Variants in SLC17A1 observed in about 807,000 individuals in gnomAD.
SLC17A1 encodes the protein sodium-dependent phosphate transport protein 1.
A neutral mutation model predicts 53.5 loss-of-function variants in SLC17A1; 51 were observed. The observed-to-expected ratio is 0.95, with a 90% CI of 0.76 to 1.20. The LOEUF (loss-of-function observed/expected upper bound fraction) is 1.20, where lower values mean the gene tolerates loss of function less well. Ranked by LOEUF, SLC17A1 falls within the 50% of genes most tolerant of loss-of-function variation. The probability of loss-of-function intolerance (pLI) is 0.00; values close to 1 mark genes in which losing one functional copy is unlikely to be tolerated. For synonymous variants in SLC17A1, 179 were observed against 198.8 expected (o/e 0.90, Z 0.84); for missense variants, 538 against 568.2 (o/e 0.95, Z 0.54).
intron 6 of SLC17A1, among the ~76,000 whole-genome samples, chr6:25,813,759 C>T (rs1036289259): frequency 6.6e-6 from 1 of 152,204 alleles, no homozygotes; most frequent in African/African-American, 2.4e-5. Context: ...GTGTTCCCCT[C>T]AGTGTGTGTT....
At chr6:25,777,967 A>G, downstream of SLC17A1, 2 of 1,613,182 alleles carry the variant, frequency 1.2e-6, no homozygotes, top group Non-Finnish European at 1.7e-6. Context: ...GTCTTTGCAC[A>G]CATAGCTGGA....
chr6:25,819,512 T>A lies in SLC17A1; in HGVS notation c.528A>T (p.Ser176=). The change falls in exon 5 of 13, where the codon TCA becomes TCT. Residue 176 remains serine, a splice_region_variant and synonymous_variant. Transcript: ENST00000244527. ...ACATTCTAGGCTTTAATTCTTTACCTGATGTACTCATAGAAGTAAGTCGGC... is the reference window on the plus strand; with the variant it reads ...ACATTCTAGGCTTTAATTCTTTACCAGATGTACTCATAGAAGTAAGTCGGC... ...ERGRLTSMST[S]GFLLGPFIVL... 6.2e-7 allele frequency: 1 copy of A among 1,609,058 alleles called. No individual in the cohort carries two copies. The highest frequency in any genetic ancestry group is 8.5e-7 in the Non-Finnish European group (1 of 1,175,378).
At chr6:25,744,516 C>G in the SLC17A1 span, among the ~76,000 whole-genome samples, 4 of 152,040 alleles carry the variant, frequency 2.6e-5, no homozygotes, top group Non-Finnish European at 5.9e-5. Context: ...TTGTTAAACA[C>G]CACCATTATT....
chr6:25,727,535 G>C, the SLC17A1 span, among the ~76,000 whole-genome samples: 1 of 151,316 alleles, frequency 6.6e-6, no homozygotes, highest in Non-Finnish European at 1.5e-5. Flanking sequence ...GGGACTACAG[G>C]CTCCCACCAC....
In SLC17A1 at chr6:25,784,951, T is replaced by C. The variant is rs572655467; in HGVS notation, c.*3-1733A>G. On this transcript the variant is annotated intron_variant, in intron 12 of 12. Coordinates refer to ENST00000244527, the MANE Select transcript of SLC17A1 (RefSeq NM_005074.5). ...GGGAAATAAATAAAAGGAAACTAGA[T>C]TGGAAAAACAGAAGTAAAACTATAT... 1.4e-4 allele frequency among the ~76,000 whole-genome samples: 22 copies of C among 152,210 alleles called. No individual in the cohort carries two copies. The East Asian group carries it at 3.7e-3, about 25-fold the overall frequency.
downstream of SLC17A1, among the ~76,000 whole-genome samples, chr6:25,781,659 T>C (rs143795571): frequency 5.6e-4 from 85 of 152,174 alleles, no homozygotes; most frequent in African/African-American, 2.0e-3. Context: ...TGTAGGCCTG[T>C]ACAGAAAGCA....
the SLC17A1 span, chr6:25,754,853 AG>A: frequency 5.3e-5 from 8 of 152,202 alleles, no homozygotes; most frequent in East Asian, 1.3e-3. Flanking sequence ...TGTTTCTGTT[AG>A]AGAGCAGCTT....
chr6:25,727,367 G>C, the SLC17A1 span: 1 of 1,337,550 alleles, frequency 7.5e-7, no homozygotes. Context: ...ACAGCTGTGG[G>C]CTTCGTTTTT....
intron 6 of SLC17A1, among the ~76,000 whole-genome samples, chr6:25,813,558 C>T (rs1764235467): frequency 6.6e-6 from 1 of 152,108 alleles, no homozygotes. Context: ...GACAATTGCC[C>T]AGTTGTTTTG....
chr6:25,739,120 A>C, the SLC17A1 span, among the ~76,000 whole-genome samples: 2 of 83,238 alleles, frequency 2.4e-5, no homozygotes, highest in South Asian at 8.7e-4. Context: ...TAGCTTAAAC[A>C]AACAAACAAA....
intron 12 of SLC17A1, among the ~76,000 whole-genome samples, chr6:25,796,900 T>C (rs1488575009): frequency 2.6e-5 from 4 of 152,154 alleles, no homozygotes; most frequent in Non-Finnish European, 5.9e-5. Context: ...ATCGCACAGA[T>C]GAGATGCCAA....
intron 11 of SLC17A1, among the ~76,000 whole-genome samples, chr6:25,799,276 AAG>A (rs1316663436): frequency 1.3e-5 from 2 of 152,174 alleles, no homozygotes; most frequent in African/African-American, 4.8e-5. Flanking sequence ...TATATAGATA[AAG>A]AGTGTCTTCA....
At chr6:25,822,371 G>C (rs1022924031) in intron 3 of SLC17A1, among the ~76,000 whole-genome samples, 3 of 152,060 alleles carry the variant, frequency 2.0e-5, no homozygotes, top group Non-Finnish European at 2.9e-5. Context: ...CTGCACTATG[G>C]TGTTCCTTCC....
chr6:25,727,160 C>T, the SLC17A1 span: 1 of 1,614,202 alleles, frequency 6.2e-7, no homozygotes, highest in Non-Finnish European at 8.5e-7. Context: ...GTTTGGCTCA[C>T]TACAGCAAGC....
the SLC17A1 span, among the ~76,000 whole-genome samples, chr6:25,743,373 G>T: frequency 6.6e-6 from 1 of 152,130 alleles, no homozygotes; most frequent in Non-Finnish European, 1.5e-5. Flanking sequence ...TTTGAATATA[G>T]TTCTCTGATG....
intron 3 of SLC17A1, among the ~76,000 whole-genome samples, chr6:25,821,803 C>T (rs1293049799): frequency 1.3e-5 from 2 of 152,082 alleles, no homozygotes; most frequent in Non-Finnish European, 2.9e-5. Flanking sequence ...ACAAAGTACT[C>T]CACATATAAA....
chr6:25,820,396 T>A (rs1764512051), intron 3 of SLC17A1, among the ~76,000 whole-genome samples: 3 of 152,152 alleles, frequency 2.0e-5, no homozygotes, highest in Admixed American at 2.0e-4. Flanking sequence ...GAGAGCAAAG[T>A]CATGAAAGAG....
chr6:25,797,414 A>C (rs1368072343), intron 12 of SLC17A1, among the ~76,000 whole-genome samples: 1 of 152,200 alleles, frequency 6.6e-6, no homozygotes, highest in Non-Finnish European at 1.5e-5. Context: ...GGATTCCCAA[A>C]GTTCTTCAAA....
At chr6:25,725,580 C>T in the SLC17A1 span, among the ~76,000 whole-genome samples, 1 of 152,150 alleles carries the variant, frequency 6.6e-6, no homozygotes, top group Non-Finnish European at 1.5e-5. Context: ...CCATGTGTAA[C>T]CCTTAACATA....
Sources: gnomAD v4.1 joint callset for allele counts (sites outside exome capture counted in the v4.1 genomes callset) on GRCh38, gnomAD v4.1.1 for gene constraint, MANE v1.5 for transcripts, NCBI Gene and HGNC (gene_info 2026-07-23, HGNC 2026-07-21) for gene names.